ADAMTS13: variants seen among roughly 807,000 people sequenced by gnomAD.
The protein encoded by ADAMTS13 is ADAM metallopeptidase with thrombospondin type 1 motif 13, also known as A disintegrin and metalloproteinase with thrombospondin motifs 13.
Under a neutral mutation model 155.1 loss-of-function variants are expected in ADAMTS13, and 110 were observed. That is an observed-to-expected ratio of 0.71 (90% CI 0.61 to 0.83). ADAMTS13 has a LOEUF of 0.83. Among genes scored for constraint, ADAMTS13 ranks in the 40% least tolerant of loss-of-function variants. The pLI is 0.00. For missense variants in ADAMTS13, 1,707 were observed against 1,891.7 expected (o/e 0.90, Z 1.81); for synonymous variants, 758 against 756.4 (o/e 1.00, Z -0.03).
intron 6 of ADAMTS13, among the ~76,000 whole-genome samples, 197 bp downstream of exon 6, chr9:133,426,542 C>T (rs1409554003): frequency 2.0e-5 from 3 of 152,128 alleles, no homozygotes; most frequent in Non-Finnish European, 4.4e-5. Context: ...TTCCAAAAGA[C>T]GAGCAAGACA....
intron 14 of ADAMTS13, among the ~76,000 whole-genome samples, chr9:133,438,641 G>A (rs1427061604): frequency 6.6e-6 from 1 of 152,130 alleles, no homozygotes; most frequent in Non-Finnish European, 1.5e-5. Flanking sequence ...TTGGCCGGGC[G>A]CTGTGCTCAC....
upstream of ADAMTS13, among the ~76,000 whole-genome samples, chr9:133,420,144 T>C (rs1313960366): frequency 6.6e-6 from 1 of 152,220 alleles, no homozygotes; most frequent in African/African-American, 2.4e-5. Context: ...CATCAGGTGA[T>C]CCTCTCGCCT....
At chr9:133,414,730 T>C (rs1839461251) in intron 1 of ADAMTS13, 1 of 1,614,208 alleles carries the variant, frequency 6.2e-7, no homozygotes, top group Non-Finnish European at 8.5e-7. Flanking sequence ...CCCCTCGTTC[T>C]GGAACAATAT....
At position 133,446,485 on chromosome 9, in the gene ADAMTS13, T is replaced by C. The variant is rs587699451; in HGVS notation, c.2731+666T>C. ...CTCAGCATGATGTCCTCACAGTTCATCCATGTTGTAGCATGTGTGAGTGTT... is the reference window on the plus strand; with the variant it reads ...CTCAGCATGATGTCCTCACAGTTCACCCATGTTGTAGCATGTGTGAGTGTT... On this transcript the variant is annotated intron_variant, in intron 21 of 28. Transcript: ENST00000355699. 9.2e-5 allele frequency among the ~76,000 whole-genome samples: 14 copies of C among 152,362 alleles called. No individual in the cohort carries two copies. In the East Asian group the frequency reaches 1.5e-3, roughly 17 times the overall value.
chr9:133,428,396 A>C (rs1554785740), intron 6 of ADAMTS13, among the ~76,000 whole-genome samples: 1 of 152,210 alleles, frequency 6.6e-6, no homozygotes, highest in African/African-American at 2.4e-5. Flanking sequence ...AAAAGATGCG[A>C]GAGCCACCCT....
At position 133,443,466 on chromosome 9, in the gene ADAMTS13, C is replaced by T. The variant is rs1554791532; in HGVS notation, c.2325C>T (p.Ser775=). Residue 775 remains serine, a synonymous_variant, in exon 19 of 29, where the codon AGC becomes AGT. Coordinates refer to ENST00000355699, the MANE Select transcript of ADAMTS13 (RefSeq NM_139027.6). ...RPVRCVEAQG[S]LLKTLPPARC... is the part of the protein sequence containing the mutation. The stretch of plus-strand genomic sequence containing the variant: ...TGCGCTGCGTGGAGGCCCAGGGCAG[C>T]CTCCTGAAGACATTGCCCCCAGCCC... The T allele has an allele frequency of 6.3e-7, 1 of 1,591,942 alleles. No homozygotes were observed. The highest frequency in any genetic ancestry group is 8.5e-7 in the Non-Finnish European group (1 of 1,174,824).
At chr9:133,444,745 C>G in intron 19 of ADAMTS13, 118 bp from the exon 20 acceptor site, 1 of 1,073,536 alleles carries the variant, frequency 9.3e-7, no homozygotes, top group Non-Finnish European at 1.4e-6. Flanking sequence ...TGGGGCTCCT[C>G]TTTGGGCTCC....
At position 133,440,427 on chromosome 9, in the gene ADAMTS13, G is replaced by A; in HGVS notation, c.1870G>A (p.Gly624Ser). 6.2e-7 allele frequency: 1 copy of A among 1,613,870 alleles called. No individual in the cohort carries two copies. Among genetic ancestry groups the A allele is most frequent in the Non-Finnish European group, 8.5e-7 (1 of 1,180,002 alleles). ...NTTYPSLLED[G>S]RVEYRVALTE... is the part of the protein sequence containing the mutation. ...CACCTACCCCTCCCTCCTGGAGGAT[G>A]GTCGTGTCGAGTACAGAGTGGCCCT... Residue 624 changes from glycine (G) to serine (S), a missense_variant, in exon 16 of 29, where the codon GGT becomes AGT. Physicochemically the swap from Gly to Ser is moderately conservative, Grantham distance 56. Coordinates refer to ENST00000355699, the MANE Select transcript of ADAMTS13 (RefSeq NM_139027.6). The surrounding 1 kb of genome is among the most constrained non-coding windows in gnomAD (Gnocchi z 4.3).
At chr9:133,457,395 C>T (rs930532363) in intron 27 of ADAMTS13, among the ~76,000 whole-genome samples, 5 of 152,160 alleles carry the variant, frequency 3.3e-5, no homozygotes, top group African/African-American at 9.6e-5. Flanking sequence ...GGCAGAGAGC[C>T]GTGTATGTGT....
At position 133,459,240 on chromosome 9, in the gene ADAMTS13, G is replaced by T; in HGVS notation, c.*60G>T. On this transcript the variant is annotated 3_prime_UTR_variant, in exon 29 of 29. Coordinates refer to ENST00000355699, the MANE Select transcript of ADAMTS13 (RefSeq NM_139027.6). Reference sequence around the variant, plus strand: ...CCTGGAGGGTTGACCCCTGGTCTCAGTGCTTTCCAATTCGAACTTTTTCCA... The same window carrying T: ...CCTGGAGGGTTGACCCCTGGTCTCATTGCTTTCCAATTCGAACTTTTTCCA... 6.7e-6 allele frequency: 10 copies of T among 1,500,760 alleles called. No individual in the cohort carries two copies. Among genetic ancestry groups the T allele is most frequent in the Non-Finnish European group, 9.1e-6 (10 of 1,099,734 alleles). 93.0% of individuals were successfully genotyped at this position (1,500,760 alleles called of 1,614,324 possible).
chr9:133,422,509 C>T lies in ADAMTS13; in HGVS notation c.66C>T (p.Gly22=). The change falls in exon 1 of 29, where the codon GGC becomes GGT. Residue 22 remains glycine (G), a synonymous_variant. Transcript: ENST00000355699. ...PLCVAGILAC[G]FLLGCWGPSH... ...GTGTGGCCGGAATCCTTGCCTGTGGCTTTCTCCTGGGCTGCTGGGGACCCT... is the reference window on the plus strand; with the variant it reads ...GTGTGGCCGGAATCCTTGCCTGTGGTTTTCTCCTGGGCTGCTGGGGACCCT... 1.2e-6 allele frequency: 2 copies of T among 1,614,150 alleles called. No homozygotes were observed. Among genetic ancestry groups the T allele is most frequent in the Non-Finnish European group, 1.7e-6 (2 of 1,180,018 alleles).
intron 1 of ADAMTS13, among the ~76,000 whole-genome samples, chr9:133,415,215 T>C (rs1320544667): frequency 1.3e-5 from 2 of 152,182 alleles, no homozygotes; most frequent in African/African-American, 4.8e-5. Context: ...TGAAATGCTG[T>C]TTCTTTGCTT....
intron 12 of ADAMTS13, 91 bp from the exon 13 acceptor site, chr9:133,437,658 C>T (rs1841337081): frequency 6.7e-7 from 1 of 1,485,392 alleles, no homozygotes; most frequent in South Asian, 1.2e-5. Flanking sequence ...GAAACCCTTG[C>T]CCCAGATGCA....
chr9:133,430,641 A>G (rs1380933525), intron 8 of ADAMTS13, among the ~76,000 whole-genome samples: 1 of 152,116 alleles, frequency 6.6e-6, no homozygotes, highest in Non-Finnish European at 1.5e-5. Context: ...TAATATTCTT[A>G]TACAATGTAT....
At position 133,414,782 on chromosome 9, in the gene ADAMTS13, G is replaced by A. The variant is rs374718488; in HGVS notation, n.287+138G>A. The A allele has an allele frequency of 5.6e-6, 9 of 1,613,998 alleles. No individual in the cohort carries two copies. The highest frequency in any genetic ancestry group is 5.3e-5 in the African/African-American group (4 of 74,892). ...CTTGGTTCCTTTCTTATTGTGCTCT[G>A]TTCCACTGGCCTTGGTGCGAGGTAC... On this transcript the variant is annotated intron_variant and non_coding_transcript_variant, in intron 1 of 17. Transcript: ENST00000485925.
chr9:133,422,613 G>T (rs1840026343), intron 1 of ADAMTS13, 65 bp downstream of exon 1: 1 of 1,541,228 alleles, frequency 6.5e-7, no homozygotes. Flanking sequence ...TGAGCTACCT[G>T]GGGCGAGGGG....
chr9:133,415,488 AAAG>A (rs1839533379), intron 1 of ADAMTS13, among the ~76,000 whole-genome samples: 1 of 151,998 alleles, frequency 6.6e-6, no homozygotes, highest in Admixed American at 6.6e-5. Flanking sequence ...TCATAAATGA[AAAG>A]AAAAGCTTCT....
In ADAMTS13 at chr9:133,440,538, G is replaced by A; in HGVS notation, c.1968+13G>A. 6.3e-7 allele frequency: 1 copy of A among 1,586,776 alleles called. No individual in the cohort carries two copies. The highest frequency in any genetic ancestry group is 1.1e-5 in the South Asian group (1 of 88,930). On this transcript the variant is annotated intron_variant, in intron 16 of 28. Transcript: ENST00000355699. This position sits in a 1 kb window ranked among gnomAD's most constrained non-coding sequence, Gnocchi z 4.3. ...TGCTGACATCCAGGTCAGCAGGAGA[G>A]CCTGGGGGAGGCCAGTGGGGGCTTC... is the stretch of plus-strand genomic sequence containing the variant.
chr9:133,424,324 G>T lies in ADAMTS13; in HGVS notation c.176G>T (p.Arg59Leu), dbSNP rs370929256. The T allele has an allele frequency of 4.3e-6, 7 of 1,612,154 alleles. No individual in the cohort carries two copies. The highest frequency in any genetic ancestry group is 3.3e-5 in the Admixed American group (2 of 59,990). Reference protein sequence around the residue: ...YLSPGAPLKGRPPSPGFQRQR... With the variant: ...YLSPGAPLKGLPPSPGFQRQR... Reference sequence around the variant, plus strand: ...TGCTCTCCCTCTCCCCCTCCAGGCCGCCCTCCTTCCCCTGGCTTCCAGAGG... The same window carrying T: ...TGCTCTCCCTCTCCCCCTCCAGGCCTCCCTCCTTCCCCTGGCTTCCAGAGG... Residue 59 changes from arginine to leucine, a missense_variant, in exon 3 of 29, where the codon CGC (arginine) becomes CTC (leucine). Physicochemically the swap from Arg to Leu is moderately radical, Grantham distance 102. Coordinates refer to ENST00000355699, the MANE Select transcript of ADAMTS13 (RefSeq NM_139027.6). This position sits in a 1 kb window ranked among gnomAD's most constrained non-coding sequence, Gnocchi z 4.3.
Sources: gnomAD v4.1 joint callset for allele counts (sites outside exome capture counted in the v4.1 genomes callset) on GRCh38, gnomAD v4.1.1 for gene constraint, Gnocchi (gnomAD v3.1) non-coding constraint, MANE v1.5 for transcripts, NCBI Gene and HGNC (gene_info 2026-07-23, HGNC 2026-07-21) for gene names.